XYLT1: variants seen among roughly 807,000 people sequenced by gnomAD.
XYLT1 encodes the protein beta-D-xylosyltransferase 1.
XYLT1 carries 36 observed loss-of-function variants against 91.3 expected under a neutral mutation model. The ratio of observed to expected loss-of-function variants is 0.39; its 90% CI spans 0.30 to 0.52. The LOEUF is 0.52. Ranked by LOEUF, XYLT1 falls within the 20% of genes least tolerant of loss-of-function variation. The pLI is 0.68. For missense variants in XYLT1, 1,242 were observed against 1,284.5 expected, an observed-to-expected ratio of 0.97 and a Z score of 0.51; for synonymous variants, 588 against 532.0, an observed-to-expected ratio of 1.11 and a Z score of -1.45.
chr16:17,317,043 C>T (rs1189954357), intron 2 of XYLT1, among the ~76,000 whole-genome samples: 2 of 150,208 alleles, frequency 1.3e-5, no homozygotes, highest in Admixed American at 6.6e-5. Flanking sequence ...AGGATGGTCT[C>T]GATCTCCTGA....
intron 1 of XYLT1, among the ~76,000 whole-genome samples, chr16:17,361,204 G>T (rs1256668966): frequency 1.3e-5 from 2 of 152,168 alleles, no homozygotes; most frequent in Admixed American, 1.3e-4. Context: ...GTGGCCTACT[G>T]TGTTTTTGCC....
At chr16:17,433,619 T>C (rs2036417298) in intron 1 of XYLT1, among the ~76,000 whole-genome samples, 1 of 152,186 alleles carries the variant, frequency 6.6e-6, no homozygotes, top group Non-Finnish European at 1.5e-5. Context: ...GGTCCAGCCA[T>C]GACCCTGGTC....
intron 4 of XYLT1, 136 bp from the exon 5 acceptor site, chr16:17,198,550 T>C: frequency 2.6e-6 from 2 of 763,964 alleles, no homozygotes; most frequent in South Asian, 3.7e-5. Flanking sequence ...GCCAAGTAAA[T>C]GATCCTGGAC....
intron 1 of XYLT1, among the ~76,000 whole-genome samples, chr16:17,384,676 C>A (rs1444589262): frequency 6.6e-6 from 1 of 151,696 alleles, no homozygotes; most frequent in Non-Finnish European, 1.5e-5. Context: ...ACCAACCCTG[C>A]CCAGAAAACA....
At chr16:17,278,355 C>T (rs1006288939) in intron 2 of XYLT1, among the ~76,000 whole-genome samples, 1 of 152,184 alleles carries the variant, frequency 6.6e-6, no homozygotes, top group African/African-American at 2.4e-5. Flanking sequence ...ATACTGAAGC[C>T]GGGCTGCTTC....
intron 4 of XYLT1, among the ~76,000 whole-genome samples, 189 bp from the exon 5 acceptor site, chr16:17,198,603 T>C (rs967872816): frequency 4.6e-5 from 7 of 152,184 alleles, no homozygotes; most frequent in African/African-American, 1.7e-4. Context: ...GGATTATTTT[T>C]TACATTTCAA....
chr16:17,419,179 C>T (rs2036218801), intron 1 of XYLT1, among the ~76,000 whole-genome samples: 1 of 151,066 alleles, frequency 6.6e-6, no homozygotes, highest in Non-Finnish European at 1.5e-5. Context: ...ATGGAATGAC[C>T]TTGGCTAGTT....
At chr16:17,395,558 C>T (rs1160572356) in intron 1 of XYLT1, among the ~76,000 whole-genome samples, 1 of 152,152 alleles carries the variant, frequency 6.6e-6, no homozygotes, top group Non-Finnish European at 1.5e-5. Context: ...TCACAAGTGC[C>T]TGGCACATCA....
chr16:17,271,786 G>A (rs1332999128), intron 2 of XYLT1, among the ~76,000 whole-genome samples: 1 of 152,072 alleles, frequency 6.6e-6, no homozygotes, highest in Non-Finnish European at 1.5e-5. Flanking sequence ...AGGGCTCAAG[G>A]GCCCATACTG....
At chr16:17,163,879 T>C (rs534540302) in intron 5 of XYLT1, among the ~76,000 whole-genome samples, 14 of 150,954 alleles carry the variant, frequency 9.3e-5, no homozygotes, top group Non-Finnish European at 1.6e-4. Flanking sequence ...TGAAACCCCG[T>C]CTCTACTAAA....
intron 4 of XYLT1, among the ~76,000 whole-genome samples, chr16:17,198,616 T>C (rs1206579287): frequency 6.6e-6 from 1 of 152,214 alleles, no homozygotes; most frequent in Admixed American, 6.5e-5. Flanking sequence ...CATTTCAAAT[T>C]AGCTATTTGA....
At chr16:17,452,366 T>C (rs1172228257) in intron 1 of XYLT1, among the ~76,000 whole-genome samples, 4 of 150,332 alleles carry the variant, frequency 2.7e-5, no homozygotes, top group African/African-American at 9.8e-5. Flanking sequence ...CTCACACCTA[T>C]AATCCCAAAA....
intron 3 of XYLT1, among the ~76,000 whole-genome samples, chr16:17,220,495 C>T (rs1036608751): frequency 7.9e-5 from 12 of 152,078 alleles, no homozygotes; most frequent in African/African-American, 2.4e-4. Flanking sequence ...GTTTTTGAGA[C>T]GTAGTCCCAC....
intron 1 of XYLT1, among the ~76,000 whole-genome samples, chr16:17,441,500 T>C (rs1567204229): frequency 1.3e-5 from 2 of 152,184 alleles, no homozygotes; most frequent in Non-Finnish European, 2.9e-5. Flanking sequence ...GTCCACTGCC[T>C]CTGCTCTTCT....
chr16:17,349,712 T>C (rs754397553), intron 2 of XYLT1, among the ~76,000 whole-genome samples: 1 of 150,834 alleles, frequency 6.6e-6, no homozygotes, highest in Non-Finnish European at 1.5e-5. Context: ...GAAATGCAAA[T>C]GAGCAAATCC....
intron 5 of XYLT1, among the ~76,000 whole-genome samples, chr16:17,165,323 C>G (rs137948639): frequency 6.6e-6 from 1 of 152,290 alleles, no homozygotes; most frequent in East Asian, 1.9e-4. Context: ...ATGACCTATG[C>G]TGCTTCTCTC....
chr16:17,458,308 G>A (rs990839816), intron 1 of XYLT1, among the ~76,000 whole-genome samples: 43 of 152,132 alleles, frequency 2.8e-4, no homozygotes, highest in African/African-American at 1.0e-3. Context: ...GCCCATTTGG[G>A]GACCCATTCA....
intron 5 of XYLT1, among the ~76,000 whole-genome samples, chr16:17,180,474 C>G (rs772215134): frequency 1.3e-5 from 2 of 152,126 alleles, no homozygotes; most frequent in African/African-American, 4.8e-5. Context: ...AATGTTTGTG[C>G]CCCTGGCTCG....
At chr16:17,234,649 G>A (rs1456996839) in intron 3 of XYLT1, among the ~76,000 whole-genome samples, 2 of 148,836 alleles carry the variant, frequency 1.3e-5, no homozygotes, top group African/African-American at 5.0e-5. Flanking sequence ...AGCAGCACTC[G>A]AAGAACCCTC....
Sources: gnomAD v4.1 joint callset for allele counts (sites outside exome capture counted in the v4.1 genomes callset) on GRCh38, gnomAD v4.1.1 for gene constraint, MANE v1.5 for transcripts, NCBI Gene and HGNC (gene_info 2026-07-23, HGNC 2026-07-21) for gene names.